RCOR2: variants seen among roughly 807,000 people sequenced by gnomAD.
RCOR2 encodes REST corepressor 2.
Under a neutral mutation model 58.9 loss-of-function variants are expected in RCOR2, and 19 were observed. The observed-to-expected ratio is 0.32, with a 90% confidence interval of 0.23 to 0.47. The LOEUF is 0.47. Among genes scored for constraint, RCOR2 ranks in the 20% least tolerant of loss-of-function variants. RCOR2 has a pLI of 1.00. For synonymous variants in RCOR2, 286 were observed against 278.7 expected (o/e 1.03, Z -0.26); for missense variants, 590 against 707.9 (o/e 0.83, Z 1.89).
At position 63,916,754 on chromosome 11, in the gene RCOR2, G is replaced by A. The variant is rs991749876; in HGVS notation, c.-298C>T. The A allele has an allele frequency of 8.7e-6, 3 of 343,894 alleles. No homozygotes were observed. The highest frequency in any genetic ancestry group is 1.6e-5 in the Non-Finnish European group (3 of 189,222). The allele number at this position is 343,894 out of a possible 1,614,324, so 21.3% of individuals were successfully genotyped here. A position where few individuals can be genotyped will look rare whatever the true frequency, so the allele number is the denominator to read the frequency against. On this transcript the variant is annotated 5_prime_UTR_variant, in exon 1 of 12. Coordinates refer to ENST00000301459, the MANE Select transcript of RCOR2 (RefSeq NM_173587.4). ...GTGATTACTATGTACGCCCCTCAGG[G>A]TTGGGGTTCCCCTGAAGTCGGGGCC...
At chr11:63,925,946 G>A in the RCOR2 span, among the ~76,000 whole-genome samples, 2 of 151,520 alleles carry the variant, frequency 1.3e-5, no homozygotes, top group South Asian at 2.1e-4. Flanking sequence ...TTTTGCTCTT[G>A]TCGCCCAGGC....
In RCOR2 at chr11:63,914,674, A is replaced by T. The variant is rs1032111495; in HGVS notation, c.461T>A (p.Phe154Tyr). 1 of 1,607,704 alleles carries T rather than the reference A, an allele frequency of 6.2e-7. No individual in the cohort carries two copies. The highest frequency in any genetic ancestry group is 1.3e-5 in the African/African-American group (1 of 74,714). Residue 154 changes from phenylalanine to tyrosine, a missense_variant, in exon 5 of 12, where the codon TTC becomes TAC. Transcript: ENST00000301459. ...CTTTACCATCTGCTGGATCCGCTGGAAGCATTTGCCATGGAAGCCAAAGGC... is the reference window on the plus strand; with the variant it reads ...CTTTACCATCTGCTGGATCCGCTGGTAGCATTTGCCATGGAAGCCAAAGGC... The part of the protein sequence containing the change: ...EQAFGFHGKC[F>Y]QRIQQMLPDK...
chr11:63,924,205 G>A, the RCOR2 span, among the ~76,000 whole-genome samples: 1 of 149,440 alleles, frequency 6.7e-6, no homozygotes, highest in Non-Finnish European at 1.5e-5. Flanking sequence ...ACCATGCCCG[G>A]TCTATTTTAT....
the RCOR2 span, among the ~76,000 whole-genome samples, chr11:63,924,842 C>T: frequency 2.1e-5 from 3 of 143,508 alleles, no homozygotes; most frequent in Non-Finnish European, 3.0e-5. Context: ...TGCTACCATG[C>T]CCAGCCAAGG....
upstream of RCOR2, among the ~76,000 whole-genome samples, chr11:63,920,195 T>C (rs2134251458): frequency 6.6e-6 from 1 of 152,328 alleles, no homozygotes; most frequent in South Asian, 2.1e-4. Context: ...ACTCAGTGTT[T>C]GCTGAATGAA....
chr11:63,912,726 G>A lies in RCOR2; in HGVS notation c.977C>T (p.Thr326Ile). ...TGTGGTCCAGCGGGAGTTGAACTTG[G>A]TGTTGGCCTGGAAAGCAAGGAACAA... ...IDPLRPPEAN[T>I]KFNSRWTTDE... Residue 326 changes from threonine (T) to isoleucine (I), a missense_variant, in exon 10 of 12, where the codon ACC (threonine) becomes ATC (isoleucine). Transcript: ENST00000301459. 1 of 1,614,090 alleles carries A rather than the reference G, an allele frequency of 6.2e-7. No homozygotes were observed. Among genetic ancestry groups the A allele is most frequent in the South Asian group, 1.1e-5 (1 of 91,080 alleles).
chr11:63,915,480 C>T (rs1480110666), intron 2 of RCOR2, 75 bp downstream of exon 2: 9 of 1,461,006 alleles, frequency 6.2e-6, no homozygotes, highest in African/African-American at 5.6e-5. Flanking sequence ...CAATCAAGGG[C>T]GCCCCAGGTG....
chr11:63,912,223 T>G (rs1941775954), intron 11 of RCOR2, 44 bp from the exon 12 acceptor site: 1 of 1,601,230 alleles, frequency 6.2e-7, no homozygotes. Context: ...CTTCCCGCCC[T>G]CAGCCCAGTC....
At chr11:63,915,325 G>A in intron 2 of RCOR2, 67 bp from the exon 3 acceptor site, 1 of 1,415,340 alleles carries the variant, frequency 7.1e-7, no homozygotes. Flanking sequence ...TAGACCCATG[G>A]CCAGAGGGCA....
At chr11:63,925,643 C>A in the RCOR2 span, among the ~76,000 whole-genome samples, 1 of 147,562 alleles carries the variant, frequency 6.8e-6, no homozygotes, top group Non-Finnish European at 1.5e-5. Context: ...CATGACAAGA[C>A]CCCTGCCTCT....
upstream of RCOR2, among the ~76,000 whole-genome samples, chr11:63,921,467 C>G (rs1367442440): frequency 1.3e-5 from 2 of 152,234 alleles, 1 homozygote; most frequent in East Asian, 3.8e-4. Context: ...AACCACCCAT[C>G]ACCCTCCAGT....
Position 63,911,960 on chromosome 11 carries a change from C to A in RCOR2, c.1477G>T (p.Ala493Ser). The change falls in exon 12 of 12, where the codon GCT (alanine) becomes TCT (serine). Residue 493 changes from alanine (A) to serine (S), a missense_variant. By Grantham distance (99) the Ala-to-Ser change is moderately conservative. Transcript: ENST00000301459. Reference sequence around the variant, plus strand: ...GCGCTGTGGCGGGGGGCAGCCAGAGCGGGGCGGATGAGAGGCGGTGGGGGC... The same window carrying A: ...GCGCTGTGGCGGGGGGCAGCCAGAGAGGGGCGGATGAGAGGCGGTGGGGGC... ...NQPPPPLIRP[A>S]LAAPRHSARP... The A allele has an allele frequency of 1.1e-6, 1 of 897,562 alleles. No homozygotes were observed. The highest frequency in any genetic ancestry group is 2.0e-5 in the South Asian group (1 of 50,578). 55.6% of individuals were successfully genotyped at this position (897,562 alleles called of 1,614,324 possible). A position where few individuals can be genotyped will look rare whatever the true frequency, so the allele number is the denominator to read the frequency against.
At chr11:63,927,753 TCCCAGCTCCCTAACAGCC>T in the RCOR2 span, among the ~76,000 whole-genome samples, 272 of 44,598 alleles carry the variant, frequency 6.1e-3, 4 homozygotes, top group African/African-American at 0.018. Context: ...TCCTAACTGC[TCCCAGCTCCCTAACAGCC>T]CCCAGCTCCC....
Position 63,915,488 on chromosome 11 carries a change from G to A in RCOR2, c.184+67C>T, listed in dbSNP as rs989420584. The A allele has an allele frequency of 8.7e-6, 13 of 1,490,658 alleles. No individual in the cohort carries two copies. The African/African-American group carries it at 1.4e-4, about 16-fold the overall frequency. 92.3% of individuals were successfully genotyped at this position (1,490,658 alleles called of 1,614,324 possible). ...GGGGAGCCAATCAAGGGCGCCCCAG[G>A]TGGGGCTGCAGGCCAAGCCCCGGGC... On this transcript the variant is annotated intron_variant, in intron 2 of 11. Coordinates refer to ENST00000301459, the MANE Select transcript of RCOR2 (RefSeq NM_173587.4).
At chr11:63,925,347 T>C in the RCOR2 span, among the ~76,000 whole-genome samples, 1 of 152,174 alleles carries the variant, frequency 6.6e-6, no homozygotes, top group Non-Finnish European at 1.5e-5. Flanking sequence ...ATGCCAGCCT[T>C]TCCCAAGGCC....
chr11:63,917,195 G>A (rs1941872288), upstream of RCOR2, among the ~76,000 whole-genome samples: 16 of 152,060 alleles, frequency 1.1e-4, 2 homozygotes, highest in South Asian at 3.3e-3. Context: ...AGTGCCGGCT[G>A]CGGCCTCAGC....
At chr11:63,912,607 C>G in intron 10 of RCOR2, 69 bp downstream of exon 10, 16 of 1,594,472 alleles carry the variant, frequency 1.0e-5, no homozygotes, top group Non-Finnish European at 1.4e-5. Context: ...TCCCCTCTGC[C>G]CCCCCACTCC....
chr11:63,913,454 TG>T (rs1447855063), intron 8 of RCOR2, among the ~76,000 whole-genome samples: 1 of 149,518 alleles, frequency 6.7e-6, no homozygotes, highest in Non-Finnish European at 1.5e-5. Flanking sequence ...CCTCCCAAAG[TG>T]CTGGGATTAC....
chr11:63,913,065 G>C, intron 8 of RCOR2, 118 bp from the exon 9 acceptor site: 1 of 826,838 alleles, frequency 1.2e-6, no homozygotes, highest in East Asian at 2.7e-5. Flanking sequence ...AAAGCTTTCT[G>C]CCATCCACCA....
Sources: gnomAD v4.1 joint callset for allele counts (sites outside exome capture counted in the v4.1 genomes callset) on GRCh38, gnomAD v4.1.1 for gene constraint, MANE v1.5 for transcripts, NCBI Gene and HGNC (gene_info 2026-07-23, HGNC 2026-07-21) for gene names.